Variants in UTP18 observed in about 807,000 individuals in gnomAD.
UTP18 encodes the protein UTP18 small subunit processome component, also known as U3 small nucleolar RNA-associated protein 18 homolog.
Under a neutral mutation model 61.1 loss-of-function variants are expected in UTP18, and 36 were observed. That is an observed-to-expected ratio of 0.59 (90% confidence interval 0.45 to 0.78). The LOEUF (loss-of-function observed/expected upper bound fraction) is 0.78, where lower values mean the gene tolerates loss of function less well. UTP18 is among the 30% of genes least tolerant of loss of function. UTP18 has a pLI of 0.00. For missense variants in UTP18, 753 were observed against 693.9 expected, an observed-to-expected ratio of 1.09 and a Z score of -0.96; for synonymous variants, 282 against 251.1, an observed-to-expected ratio of 1.12 and a Z score of -1.16.
At chr17:51,275,780 A>T in intron 5 of UTP18, 86 bp from the exon 6 acceptor site, 1 of 1,253,200 alleles carries the variant, frequency 8.0e-7, no homozygotes, top group Admixed American at 3.5e-5. Context: ...CCTTCATTAT[A>T]AACTGTAATG....
chr17:51,282,869 T>TC (rs1158240844), intron 9 of UTP18, among the ~76,000 whole-genome samples: 23 of 31,250 alleles, frequency 7.4e-4, no homozygotes, highest in East Asian at 2.4e-3. Context: ...TTCTTCTTCT[T>TC]TTTTTTTTTT....
At chr17:51,288,332 A>T in intron 11 of UTP18, 129 bp downstream of exon 11, 1 of 966,800 alleles carries the variant, frequency 1.0e-6, no homozygotes, top group South Asian at 1.8e-5. Context: ...AGGAATTATT[A>T]GTATTGTAGC....
chr17:51,269,651 A>G (rs1904446624), intron 4 of UTP18, among the ~76,000 whole-genome samples: 2 of 152,114 alleles, frequency 1.3e-5, no homozygotes, highest in Admixed American at 1.3e-4. Flanking sequence ...CAGGGAGTCC[A>G]TACAAAGAGC....
intron 12 of UTP18, among the ~76,000 whole-genome samples, chr17:51,294,867 G>A (rs1293648817): frequency 1.3e-5 from 2 of 152,108 alleles, no homozygotes; most frequent in Non-Finnish European, 2.9e-5. Flanking sequence ...AGCACCTGTT[G>A]TTTCCTGACT....
chr17:51,286,409 G>T, intron 10 of UTP18: 2 of 448,470 alleles, frequency 4.5e-6, no homozygotes, highest in Non-Finnish European at 9.0e-6. Flanking sequence ...TCCTCCCTGG[G>T]ATGGGAAGTC....
chr17:51,274,889 C>T (rs1483812196), intron 5 of UTP18, among the ~76,000 whole-genome samples: 2 of 151,916 alleles, frequency 1.3e-5, no homozygotes, highest in East Asian at 1.9e-4. Flanking sequence ...GGTGAATTCA[C>T]CTCCATTAAA....
At position 51,260,940 on chromosome 17, in the gene UTP18, C is replaced by G; in HGVS notation, c.342+14C>G. On this transcript the variant is annotated intron_variant, in intron 1 of 13. Transcript: ENST00000225298. ...CGAGGCCCGAGGGTGAGGGAGGCCG[C>G]GGCGCGCGGGCTGGGCGCACTCGGG... is the stretch of plus-strand genomic sequence containing the variant. 1 of 1,527,924 alleles carries G rather than the reference C, an allele frequency of 6.5e-7. No individual in the cohort carries two copies. The highest frequency in any genetic ancestry group is 1.2e-5 in the South Asian group (1 of 82,452). The allele number at this position is 1,527,924 out of a possible 1,614,324, so 94.6% of individuals were successfully genotyped here.
intron 1 of UTP18, among the ~76,000 whole-genome samples, chr17:51,261,490 A>C (rs913876489): frequency 2.0e-5 from 3 of 152,194 alleles, no homozygotes; most frequent in Admixed American, 6.5e-5. Flanking sequence ...TACTTTTTGC[A>C]CACATTTTGC....
chr17:51,297,207 G>A (rs922236138), intron 13 of UTP18, among the ~76,000 whole-genome samples: 2 of 152,088 alleles, frequency 1.3e-5, no homozygotes, highest in African/African-American at 4.8e-5. Context: ...ACAGCAATCT[G>A]GCTCGGTTCT....
chr17:51,297,110 T>C (rs1364388939), intron 13 of UTP18, 107 bp downstream of exon 13: 7 of 922,986 alleles, frequency 7.6e-6, no homozygotes, highest in African/African-American at 1.7e-5. Context: ...TACCCCTAAG[T>C]TACTGCATCT....
At chr17:51,268,450 T>A (rs117234609) in intron 3 of UTP18, among the ~76,000 whole-genome samples, 2 of 152,340 alleles carry the variant, frequency 1.3e-5, no homozygotes, top group South Asian at 4.1e-4. Flanking sequence ...AACAATCTGG[T>A]CAGTTTCTTT....
intron 11 of UTP18, chr17:51,288,726 C>T (rs977662239): frequency 1.9e-5 from 8 of 418,304 alleles, no homozygotes; most frequent in Non-Finnish European, 3.3e-5. Flanking sequence ...GAGATGACTT[C>T]CAGGACTCTG....
chr17:51,269,537 C>G (rs957004103), intron 4 of UTP18, among the ~76,000 whole-genome samples: 1 of 152,000 alleles, frequency 6.6e-6, no homozygotes, highest in African/African-American at 2.4e-5. Flanking sequence ...CATGTGGGAG[C>G]TCCTTCCTTA....
At chr17:51,285,096 C>A in intron 9 of UTP18, 149 bp from the exon 10 acceptor site, 1 of 709,658 alleles carries the variant, frequency 1.4e-6, no homozygotes, top group Non-Finnish European at 2.2e-6. Flanking sequence ...AAGAAATATT[C>A]TTAGTCCAGT....
At chr17:51,287,029 A>G (rs1344421855) in intron 10 of UTP18, among the ~76,000 whole-genome samples, 6 of 122,614 alleles carry the variant, frequency 4.9e-5, no homozygotes, top group Non-Finnish European at 4.8e-5. Context: ...TCCTGTGTCC[A>G]TTATAAGTAG....
intron 13 of UTP18, among the ~76,000 whole-genome samples, chr17:51,297,396 G>T (rs1313562247): frequency 6.6e-6 from 1 of 152,172 alleles, no homozygotes; most frequent in Non-Finnish European, 1.5e-5. Flanking sequence ...TTAGCAGCTT[G>T]CTCTGTTTCA....
At chr17:51,262,335 C>T (rs780427398) in intron 1 of UTP18, among the ~76,000 whole-genome samples, 1 of 152,082 alleles carries the variant, frequency 6.6e-6, no homozygotes, top group Non-Finnish European at 1.5e-5. Context: ...CCGCCCGCCT[C>T]GGCCTCCCAA....
chr17:51,273,671 A>G (rs1413677218), intron 5 of UTP18, among the ~76,000 whole-genome samples: 1 of 151,346 alleles, frequency 6.6e-6, no homozygotes, highest in East Asian at 1.9e-4. Flanking sequence ...AGGAGTTTGA[A>G]GCTACGGTGA....
chr17:51,294,776 A>C (rs908680397), intron 12 of UTP18, among the ~76,000 whole-genome samples: 5 of 152,056 alleles, frequency 3.3e-5, no homozygotes, highest in Non-Finnish European at 7.4e-5. Context: ...AGGAATCGCC[A>C]CACTGACTTC....
Sources: allele counts gnomAD v4.1 joint callset (sites outside exome capture counted in the v4.1 genomes callset), GRCh38; gene constraint gnomAD v4.1.1; transcripts MANE v1.5; gene names NCBI Gene and HGNC (gene_info 2026-07-23, HGNC 2026-07-21).